NPSR1: variants seen among roughly 807,000 people sequenced by gnomAD.
NPSR1 encodes the protein neuropeptide S receptor 1, also known as neuropeptide S receptor.
NPSR1 carries 48 observed loss-of-function variants against 46.9 expected under a neutral mutation model. The ratio of observed to expected loss-of-function variants is 1.02; its 90% CI spans 0.81 to 1.30. The LOEUF (loss-of-function observed/expected upper bound fraction) is 1.30. NPSR1 is among the 50% of genes most tolerant of loss of function. The probability of loss-of-function intolerance (pLI) is 0.00; values close to 1 mark genes in which losing one functional copy is unlikely to be tolerated. For synonymous variants in NPSR1, 176 were observed against 168.1 expected (o/e 1.05, Z -0.36); for missense variants, 450 against 449.5 (o/e 1.00, Z -0.01).
intron 1 of NPSR1, among the ~76,000 whole-genome samples, chr7:34,680,757 A>G (rs1583794571): frequency 6.6e-6 from 1 of 152,150 alleles, no homozygotes; most frequent in East Asian, 1.9e-4. Context: ...GTCAAGACAA[A>G]AGAAACACAT....
At chr7:34,739,052 AT>A (rs1784813347) in intron 2 of NPSR1, among the ~76,000 whole-genome samples, 1 of 152,188 alleles carries the variant, frequency 6.6e-6, no homozygotes, top group African/African-American at 2.4e-5. Context: ...GTTCATCCAT[AT>A]TGCAGCATGT....
At chr7:34,783,135 T>C (rs1787308092) in intron 3 of NPSR1, among the ~76,000 whole-genome samples, 1 of 152,120 alleles carries the variant, frequency 6.6e-6, no homozygotes, top group African/African-American at 2.4e-5. Flanking sequence ...AAGAGATTTA[T>C]GAGGCAGCAT....
At chr7:34,749,984 G>A (rs1785431030) in intron 2 of NPSR1, among the ~76,000 whole-genome samples, 2 of 149,474 alleles carry the variant, frequency 1.3e-5, no homozygotes, top group South Asian at 2.1e-4. Context: ...GAGGAAGAGA[G>A]TTTTTTTTTT....
downstream of NPSR1, among the ~76,000 whole-genome samples, chr7:34,854,919 A>T (rs150432759): frequency 3.3e-3 from 500 of 152,244 alleles, 1 homozygote; most frequent in African/African-American, 0.01. Context: ...CTTCCACGAG[A>T]TTGAATTCAT....
At chr7:34,812,200 A>G (rs932185321) in intron 4 of NPSR1, among the ~76,000 whole-genome samples, 2 of 152,160 alleles carry the variant, frequency 1.3e-5, no homozygotes, top group African/African-American at 2.4e-5. Flanking sequence ...GTTGACATGC[A>G]TACCTGTCCA....
At chr7:34,669,063 T>C (rs1192413406) in intron 1 of NPSR1, among the ~76,000 whole-genome samples, 3 of 152,188 alleles carry the variant, frequency 2.0e-5, no homozygotes, top group South Asian at 4.1e-4. Flanking sequence ...TTTACCCAGA[T>C]ATTGGTTAAA....
intron 2 of NPSR1, among the ~76,000 whole-genome samples, chr7:34,721,269 G>C (rs1783843646): frequency 6.6e-6 from 1 of 152,268 alleles, no homozygotes; most frequent in South Asian, 2.1e-4. Flanking sequence ...CAAAGGAAAG[G>C]ATAAGGAAAT....
intron 2 of NPSR1, among the ~76,000 whole-genome samples, chr7:34,765,870 G>T (rs919825150): frequency 2.6e-5 from 4 of 152,102 alleles, no homozygotes; most frequent in Non-Finnish European, 5.9e-5. Context: ...TGGACATAAA[G>T]ATGGCAACAG....
intron 4 of NPSR1, among the ~76,000 whole-genome samples, chr7:34,814,596 G>C (rs941473453): frequency 4.6e-5 from 7 of 152,202 alleles, no homozygotes; most frequent in African/African-American, 1.7e-4. Context: ...TCCTCAAGTG[G>C]GTCCCTGACA....
intron 3 of NPSR1, among the ~76,000 whole-genome samples, chr7:34,809,062 CCCAAGAT>C (rs1788851296): frequency 6.6e-6 from 1 of 152,036 alleles, no homozygotes; most frequent in South Asian, 2.1e-4. Context: ...GCCACAGAGC[CCCAAGAT>C]CCTTATAACC....
At chr7:34,696,078 TAAA>T (rs34574984) in intron 2 of NPSR1, among the ~76,000 whole-genome samples, 38 of 113,884 alleles carry the variant, frequency 3.3e-4, no homozygotes, top group African/African-American at 1.1e-3. Flanking sequence ...GTTGATTTGA[TAAA>T]AAAAAAAAAA....
At chr7:34,688,976 C>T (rs1793081182) in intron 2 of NPSR1, among the ~76,000 whole-genome samples, 1 of 152,216 alleles carries the variant, frequency 6.6e-6, no homozygotes, top group African/African-American at 2.4e-5. Context: ...GTGCAGAGAA[C>T]TTGGGACAGT....
At chr7:34,721,651 T>C (rs1475684753) in intron 2 of NPSR1, among the ~76,000 whole-genome samples, 3 of 152,252 alleles carry the variant, frequency 2.0e-5, no homozygotes, top group Non-Finnish European at 2.9e-5. Flanking sequence ...ACAGTGACTT[T>C]AGATTTCTTT....
At chr7:34,848,742 T>A in intron 8 of NPSR1, 79 bp downstream of exon 8, 2 of 1,259,038 alleles carry the variant, frequency 1.6e-6, no homozygotes, top group African/African-American at 1.5e-5. Flanking sequence ...GTTTCTCATG[T>A]CCAAACTCTC....
intron 2 of NPSR1, among the ~76,000 whole-genome samples, chr7:34,705,329 A>T (rs1455246953): frequency 6.6e-6 from 1 of 150,756 alleles, no homozygotes; most frequent in Non-Finnish European, 1.5e-5. Flanking sequence ...CAGGAGGCTG[A>T]GGTGGGAGGA....
At chr7:34,735,133 A>G (rs569602223) in intron 2 of NPSR1, among the ~76,000 whole-genome samples, 47 of 152,210 alleles carry the variant, frequency 3.1e-4, no homozygotes, top group Non-Finnish European at 5.6e-4. Flanking sequence ...GGGGAAAGAT[A>G]ATTGAGATAG....
intron 4 of NPSR1, among the ~76,000 whole-genome samples, chr7:34,813,415 C>G (rs1789089067): frequency 6.6e-6 from 1 of 152,152 alleles, no homozygotes; most frequent in South Asian, 2.1e-4. Context: ...AGTGCAGGAA[C>G]AGGATTTGAA....
chr7:34,681,441 C>T (rs1792628901), intron 1 of NPSR1, among the ~76,000 whole-genome samples: 1 of 152,216 alleles, frequency 6.6e-6, no homozygotes, highest in African/African-American at 2.4e-5. Context: ...CATGTTGCAA[C>T]ATCAGGCAAC....
chr7:34,858,298 C>T (rs1791096781), intron 8 of NPSR1, among the ~76,000 whole-genome samples: 1 of 151,484 alleles, frequency 6.6e-6, no homozygotes, highest in South Asian at 2.1e-4. Flanking sequence ...TGCTTATTAG[C>T]AGTAGAATAG....
Sources: allele counts gnomAD v4.1 joint callset (sites outside exome capture counted in the v4.1 genomes callset), GRCh38; gene constraint gnomAD v4.1.1; transcripts MANE v1.5; gene names NCBI Gene and HGNC (gene_info 2026-07-23, HGNC 2026-07-21).